OR9Q1: variants seen among roughly 807,000 people sequenced by gnomAD.
OR9Q1 encodes the protein olfactory receptor 9Q1.
For synonymous variants in OR9Q1, 153 were observed against 148.6 expected, an observed-to-expected ratio of 1.03 and a Z score of -0.22; for missense variants, 374 against 378.8, an observed-to-expected ratio of 0.99 and a Z score of 0.11.
chr11:58,047,590 G>A (rs1035309857), intron 1 of OR9Q1: 1 of 151,982 alleles, frequency 6.6e-6, no homozygotes, highest in African/African-American at 2.4e-5. Flanking sequence ...TTGATTAAGA[G>A]CAGCTGGGCA....
At chr11:58,144,085 T>A (rs1352733723) in intron 2 of OR9Q1, among the ~76,000 whole-genome samples, 3 of 151,960 alleles carry the variant, frequency 2.0e-5, no homozygotes, top group Non-Finnish European at 4.4e-5. Context: ...TGTACAGGTT[T>A]GTTACATATG....
chr11:58,057,846 T>C (rs1184016837), intron 2 of OR9Q1: 1 of 152,228 alleles, frequency 6.6e-6, no homozygotes, highest in Admixed American at 6.5e-5. Flanking sequence ...CTGTAGCCCA[T>C]AACATGCATT....
intron 1 of OR9Q1, chr11:58,044,933 T>A (rs1853201863): frequency 6.6e-6 from 1 of 152,184 alleles, no homozygotes; most frequent in Non-Finnish European, 1.5e-5. Flanking sequence ...AATCCAAAAC[T>A]TTTTGAGTGC....
intron 2 of OR9Q1, among the ~76,000 whole-genome samples, chr11:58,120,907 C>G (rs909792621): frequency 6.6e-6 from 1 of 150,546 alleles, no homozygotes; most frequent in Non-Finnish European, 1.5e-5. Context: ...GTTCTTTTCT[C>G]TCTTCTCCCT....
rs1437111172 is a variant in OR9Q1, at chr11:58,077,077, A to C, written c.-15+21130A>C. Among the ~76,000 whole-genome samples, 7 of 152,206 alleles carry C rather than the reference A, an allele frequency of 4.6e-5. No homozygotes were observed. The East Asian group carries it at 1.2e-3, about 25-fold the overall frequency. Reference sequence around the variant, plus strand: ...TGGACTTGGAGAGGAGTAGTGGAGTAGGGTGGACAAGATGACTTTAAAAGT... The same window carrying C: ...TGGACTTGGAGAGGAGTAGTGGAGTCGGGTGGACAAGATGACTTTAAAAGT... On this transcript the variant is annotated intron_variant, in intron 2 of 2. Coordinates refer to ENST00000335397, the MANE Select transcript of OR9Q1 (RefSeq NM_001005212.4).
rs756443434 is a variant in OR9Q1 at position 58,179,863 on chromosome 11, C to T, written c.419C>T (p.Ala140Val). 5.6e-6 allele frequency: 9 copies of T among 1,614,002 alleles called. No homozygotes were observed. The East Asian group carries it at 1.8e-4, about 32-fold the overall frequency. The change falls in exon 3 of 3, where the codon GCC (alanine) becomes GTC (valine). Residue 140 changes from alanine (A) to valine (V), a missense_variant. Transcript: ENST00000335397. Reference sequence around the variant, plus strand: ...TATGTCACCATCCTGACACAGCAGGCCCGCTTGAGTCTTGTGGCTGGGGCT... The same window carrying T: ...TATGTCACCATCCTGACACAGCAGGTCCGCTTGAGTCTTGTGGCTGGGGCT... ...LLYVTILTQQARLSLVAGAYV... is the reference protein window; with the variant it reads ...LLYVTILTQQVRLSLVAGAYV...
intron 2 of OR9Q1, among the ~76,000 whole-genome samples, chr11:58,148,308 G>GTA (rs142787260): frequency 0.028 from 4,168 of 151,008 alleles, 186 homozygotes; most frequent in African/African-American, 0.094. Context: ...GCAGAAGTGT[G>GTA]TATATATATA....
At chr11:58,037,010 T>C (rs979204219) in intron 1 of OR9Q1, among the ~76,000 whole-genome samples, 1 of 152,212 alleles carries the variant, frequency 6.6e-6, no homozygotes, top group Non-Finnish European at 1.5e-5. Flanking sequence ...ATTAGCATCA[T>C]GTGTTACAGA....
At chr11:58,062,592 C>T (rs1383104548) in intron 2 of OR9Q1, among the ~76,000 whole-genome samples, 2 of 152,172 alleles carry the variant, frequency 1.3e-5, no homozygotes, top group Non-Finnish European at 2.9e-5. Flanking sequence ...GGCATCTTCT[C>T]TCTAGCACTG....
chr11:58,140,862 A>G (rs528770574), intron 2 of OR9Q1, among the ~76,000 whole-genome samples: 4 of 152,344 alleles, frequency 2.6e-5, no homozygotes, highest in South Asian at 4.1e-4. Context: ...CATTGAATCT[A>G]TAAATGACCT....
intron 2 of OR9Q1, among the ~76,000 whole-genome samples, chr11:58,142,966 C>T (rs750455527): frequency 1.4e-4 from 21 of 152,018 alleles, no homozygotes; most frequent in South Asian, 2.1e-4. Flanking sequence ...GAGGAAGAGG[C>T]GACTTGGCAG....
intron 2 of OR9Q1, among the ~76,000 whole-genome samples, chr11:58,135,382 A>C (rs1182428737): frequency 6.6e-6 from 1 of 152,196 alleles, no homozygotes; most frequent in East Asian, 1.9e-4. Context: ...CACAGACAGC[A>C]TGTGGGTGGA....
intron 2 of OR9Q1, among the ~76,000 whole-genome samples, chr11:58,120,930 A>C (rs1471398785): frequency 6.6e-6 from 1 of 151,258 alleles, no homozygotes; most frequent in Non-Finnish European, 1.5e-5. Flanking sequence ...CACCCCCTTA[A>C]CAAAAAAATC....
Position 58,162,617 on chromosome 11 carries a change from G to A in OR9Q1, c.-14-16814G>A, listed in dbSNP as rs553603718. 2.0e-5 allele frequency among the ~76,000 whole-genome samples: 3 copies of A among 152,282 alleles called. No homozygotes were observed. The South Asian group carries it at 6.2e-4, about 32-fold the overall frequency. On this transcript the variant is annotated intron_variant, in intron 2 of 2. Transcript: ENST00000335397. ...ACAATGTTCACTACAGTACCAGCTGGTAATACTAAGAAGGTTATTTAATAC... is the reference window on the plus strand; with the variant it reads ...ACAATGTTCACTACAGTACCAGCTGATAATACTAAGAAGGTTATTTAATAC...
At chr11:58,057,046 G>A (rs1205182174) in intron 2 of OR9Q1, among the ~76,000 whole-genome samples, 1 of 132,558 alleles carries the variant, frequency 7.5e-6, no homozygotes, top group Non-Finnish European at 1.5e-5. Flanking sequence ...CCAAGCTGGA[G>A]TGCAGTGGTG....
intron 2 of OR9Q1, among the ~76,000 whole-genome samples, chr11:58,083,112 G>A (rs578073464): frequency 9.2e-5 from 14 of 152,002 alleles, no homozygotes; most frequent in Non-Finnish European, 1.3e-4. Context: ...GAATGGTATC[G>A]CCTAGGTTTT....
At chr11:58,031,872 G>A (rs756497368) in intron 1 of OR9Q1, 8 of 1,613,022 alleles carry the variant, frequency 5.0e-6, no homozygotes, top group East Asian at 2.2e-5. Flanking sequence ...GCTCTGGGTC[G>A]AGTCTTTTCT....
At chr11:58,054,756 T>A (rs2119978607) in intron 1 of OR9Q1, among the ~76,000 whole-genome samples, 1 of 152,194 alleles carries the variant, frequency 6.6e-6, no homozygotes, top group Admixed American at 6.5e-5. Context: ...AAACCCCATC[T>A]CTACTAAAAA....
chr11:58,175,300 G>A (rs1854594224), intron 2 of OR9Q1, among the ~76,000 whole-genome samples: 1 of 151,994 alleles, frequency 6.6e-6, no homozygotes, highest in Non-Finnish European at 1.5e-5. Context: ...CTCAAGGTCA[G>A]GAGCAATGTC....
Sources: gnomAD v4.1 joint callset for allele counts (sites outside exome capture counted in the v4.1 genomes callset) on GRCh38, gnomAD v4.1.1 for gene constraint, MANE v1.5 for transcripts, NCBI Gene and HGNC (gene_info 2026-07-23, HGNC 2026-07-21) for gene names.